Variants in SULF1 observed in about 807,000 individuals in gnomAD.
The protein encoded by SULF1 is sulfatase 1.
SULF1 carries 46 observed loss-of-function variants against 110.5 expected under a neutral mutation model. The ratio of observed to expected loss-of-function variants is 0.42; its 90% CI spans 0.33 to 0.53. The LOEUF (loss-of-function observed/expected upper bound fraction) is 0.53, where lower values mean the gene tolerates loss of function less well. Among genes scored for constraint, SULF1 ranks in the 20% least tolerant of loss-of-function variants. The probability of loss-of-function intolerance (pLI) is 0.12; values close to 1 mark genes in which losing one functional copy is unlikely to be tolerated. For synonymous variants in SULF1, 371 were observed against 387.1 expected, an observed-to-expected ratio of 0.96 and a Z score of 0.49; for missense variants, 941 against 1,094.2, an observed-to-expected ratio of 0.86 and a Z score of 1.98.
At chr8:69,621,915 A>C (rs925633808) in intron 14 of SULF1, among the ~76,000 whole-genome samples, 1 of 152,250 alleles carries the variant, frequency 6.6e-6, no homozygotes, top group East Asian at 1.9e-4. Flanking sequence ...GTGGAGTAAC[A>C]TGGAAAATGA....
intron 3 of SULF1, among the ~76,000 whole-genome samples, chr8:69,514,887 A>G (rs548192710): frequency 6.6e-6 from 1 of 152,290 alleles, no homozygotes; most frequent in South Asian, 2.1e-4. Flanking sequence ...TTTATATCTC[A>G]TATCCAGGCC....
At chr8:69,488,509 G>A (rs968212783), upstream of SULF1, among the ~76,000 whole-genome samples, 2 of 151,800 alleles carry the variant, frequency 1.3e-5, no homozygotes, top group East Asian at 3.9e-4. Flanking sequence ...AGCTCACATC[G>A]TTTCAGTTAA....
chr8:69,569,258 A>G (rs1412597717), intron 5 of SULF1, among the ~76,000 whole-genome samples: 2 of 152,248 alleles, frequency 1.3e-5, no homozygotes, highest in Non-Finnish European at 2.9e-5. Context: ...AACAAAAGCC[A>G]GAACACAAGA....
intron 22 of SULF1, among the ~76,000 whole-genome samples, chr8:69,650,541 C>T (rs1477578937): frequency 1.3e-5 from 2 of 152,142 alleles, no homozygotes; most frequent in Non-Finnish European, 2.9e-5. Flanking sequence ...TACTCAGAGG[C>T]AGAGCTTGCA....
chr8:69,604,858 T>G lies in SULF1; in HGVS notation c.1303T>G (p.Leu435Val), dbSNP rs1294934984. 1 of 1,614,166 alleles carries G rather than the reference T, an allele frequency of 6.2e-7. No homozygotes were observed. The highest frequency in any genetic ancestry group is 1.1e-5 in the South Asian group (1 of 91,078). Residue 435 changes from leucine (L) to valine (V), a missense_variant, in exon 13 of 23, where the codon TTG becomes GTG. Leu to Val is a conservative substitution (Grantham distance 32). Transcript: ENST00000402687. ...CAAGAATATCCAACAGTCAAATCAC[T>G]TGCCCAAATATGAACGGGTCAAAGA... ...SSKNIQQSNH[L>V]PKYERVKELC...
At chr8:69,532,652 A>C (rs1813165211) in intron 3 of SULF1, among the ~76,000 whole-genome samples, 1 of 152,204 alleles carries the variant, frequency 6.6e-6, no homozygotes, top group Non-Finnish European at 1.5e-5. Context: ...TACCTGTTTG[A>C]CCTATACATA....
Position 69,501,923 on chromosome 8 carries a change from A to G in SULF1, c.-179A>G, listed in dbSNP as rs1810827499. The G allele has an allele frequency of 6.6e-6, 1 of 152,254 alleles. No individual in the cohort carries two copies. Among genetic ancestry groups the G allele is most frequent in the Admixed American group, 6.5e-5 (1 of 15,288 alleles). The allele number at this position is 152,254 out of a possible 1,614,324, so 9.4% of individuals were successfully genotyped here. ...CTAAAGAAGATAAACTTGGCAAATG[A>G]CATGCAGGTTCTTCAAGGCAGAATA... On this transcript the variant is annotated 5_prime_UTR_variant, in exon 3 of 23. Coordinates refer to ENST00000402687, the MANE Select transcript of SULF1 (RefSeq NM_001128205.2).
At chr8:69,641,431 G>C (rs565741259) in intron 22 of SULF1, among the ~76,000 whole-genome samples, 14 of 152,230 alleles carry the variant, frequency 9.2e-5, no homozygotes, top group African/African-American at 3.4e-4. Context: ...GGGAGTTGGG[G>C]ACAGAGTACC....
chr8:69,557,891 A>G (rs1815220923), intron 3 of SULF1, among the ~76,000 whole-genome samples: 1 of 152,132 alleles, frequency 6.6e-6, no homozygotes, highest in African/African-American at 2.4e-5. Context: ...TTCAGCTGTC[A>G]TTGTTTGTTG....
rs114438608 is a variant in SULF1, at chr8:69,586,206, G to T, written c.413-151G>T. 1.5e-3 allele frequency: 997 copies of T among 664,562 alleles called. 8 individuals carry two copies. In the African/African-American group the frequency reaches 0.017, roughly 11 times the overall value. 41.2% of individuals were successfully genotyped at this position (664,562 alleles called of 1,614,324 possible). A position where few individuals can be genotyped will look rare whatever the true frequency, so the allele number is the denominator to read the frequency against. ...TTTGTGTCACTTTGCCAAAGGATTG[G>T]AGTATTACACTAATGTCATTTTGGC... On this transcript the variant is annotated intron_variant, in intron 6 of 22. Transcript: ENST00000402687.
chr8:69,612,914 T>G (rs1003505633), intron 13 of SULF1, among the ~76,000 whole-genome samples: 1 of 152,116 alleles, frequency 6.6e-6, no homozygotes, highest in Admixed American at 6.6e-5. Context: ...GGGTCTTAGT[T>G]ATGAGTTCTT....
intron 13 of SULF1, 71 bp from the exon 14 acceptor site, chr8:69,620,964 T>G: frequency 7.5e-7 from 1 of 1,335,852 alleles, no homozygotes; most frequent in South Asian, 1.5e-5. Flanking sequence ...AGAAAAAAAC[T>G]AAGGCAGCAG....
rs764073878 is a variant in SULF1, at chr8:69,638,768, A to G, written c.2461A>G (p.Ile821Val). Reference sequence around the variant, plus strand: ...TACAGTGCACACGGTAGAACGAGGCATTTTGAATCAGCTACACGTACAACT... The same window carrying G: ...TACAGTGCACACGGTAGAACGAGGCGTTTTGAATCAGCTACACGTACAACT... ...TNTVHTVERG[I>V]LNQLHVQLME... Residue 821 changes from isoleucine to valine, a missense_variant, in exon 21 of 23, where the codon ATT becomes GTT. By Grantham distance (29) the Ile-to-Val change is conservative (BLOSUM62 3). Around this residue, in one of 3 missense-constraint regions of SULF1, gnomAD observed 112 missense variants for 133.5 expected, o/e 0.84. Coordinates refer to ENST00000402687, the MANE Select transcript of SULF1 (RefSeq NM_001128205.2). 6.2e-7 allele frequency: 1 copy of G among 1,614,058 alleles called. No individual in the cohort carries two copies. The highest frequency in any genetic ancestry group is 1.3e-5 in the African/African-American group (1 of 74,932).
chr8:69,631,334 TACCTCGGCCACTGCCAG>T (rs1478471966), intron 19 of SULF1, among the ~76,000 whole-genome samples: 127 of 152,290 alleles, frequency 8.3e-4, no homozygotes, highest in African/African-American at 2.9e-3. Context: ...CACCATTTCT[TACCTCGGCCACTGCCAG>T]ACCTCCTCTG....
intron 1 of SULF1, among the ~76,000 whole-genome samples, chr8:69,483,732 T>A (rs1809595661): frequency 1.3e-5 from 2 of 152,092 alleles, no homozygotes; most frequent in Non-Finnish European, 2.9e-5. Context: ...CAGGCTGCAA[T>A]GAGCTATGAT....
At chr8:69,520,840 C>A (rs77135352) in intron 3 of SULF1, among the ~76,000 whole-genome samples, 2,990 of 152,154 alleles carry the variant, frequency 0.02, 101 homozygotes, top group African/African-American at 0.067. Context: ...TGAAACTTGG[C>A]CAAGCATTAG....
At chr8:69,491,104 A>G (rs1809920041), upstream of SULF1, among the ~76,000 whole-genome samples, 1 of 152,202 alleles carries the variant, frequency 6.6e-6, no homozygotes, top group Non-Finnish European at 1.5e-5. Context: ...CGTGGAGAGC[A>G]TGTACTGCAT....
At chr8:69,563,876 A>G in intron 4 of SULF1, 40 bp from the exon 5 acceptor site, 2 of 1,256,702 alleles carry the variant, frequency 1.6e-6, no homozygotes. Context: ...TTTGGATTTC[A>G]TTTTAGTCTC....
chr8:69,537,928 A>AC (rs201984899), intron 3 of SULF1, among the ~76,000 whole-genome samples: 2,240 of 151,918 alleles, frequency 0.015, 61 homozygotes, highest in African/African-American at 0.051. Flanking sequence ...AATTGAAAAA[A>AC]AAGTAATTTT....
Sources: allele counts gnomAD v4.1 joint callset (sites outside exome capture counted in the v4.1 genomes callset), GRCh38; gene constraint gnomAD v4.1.1; regional missense constraint gnomAD v4.1.1; transcripts MANE v1.5; gene names NCBI Gene and HGNC (gene_info 2026-07-23, HGNC 2026-07-21).